Variants in GRID2IP observed in about 807,000 individuals in gnomAD.
GRID2IP encodes Grid2 interacting protein.
In GRID2IP, 78 loss-of-function variants were observed where a neutral mutation model predicts 114.3. That is an observed-to-expected ratio of 0.68 (90% CI 0.57 to 0.82). The LOEUF (loss-of-function observed/expected upper bound fraction) is 0.82. Among genes scored for constraint, GRID2IP ranks in the 40% least tolerant of loss-of-function variants. The pLI is 0.00. For missense variants in GRID2IP, 1,727 were observed against 1,678.5 expected, an observed-to-expected ratio of 1.03 and a Z score of -0.51; for synonymous variants, 809 against 724.0, an observed-to-expected ratio of 1.12 and a Z score of -1.89.
intron 7 of GRID2IP, among the ~76,000 whole-genome samples, chr7:6,515,370 G>A (rs1779274183): frequency 6.6e-6 from 1 of 152,052 alleles, no homozygotes; most frequent in African/African-American, 2.4e-5. Flanking sequence ...GCTGAAGTAG[G>A]AGAATCGCTT....
rs372688657 is a variant in GRID2IP, at chr7:6,539,822, A to G, written c.480T>C (p.Ala160=). 8.1e-4 allele frequency: 1,264 copies of G among 1,551,212 alleles called. 1 individual carries two copies. Among genetic ancestry groups the G allele is most frequent in the Non-Finnish European group, 1.0e-3 (1,176 of 1,146,960 alleles). ...DQPTAKEQVF[A]ALKQFAAEQR... is the part of the protein sequence containing the mutation. ...GCTCAGCTGCAAACTGCTTCAGTGC[A>G]GCGAACACCTGCTCCTTGGCAGTTG... The change falls in exon 2 of 22, where the codon GCT becomes GCC. Residue 160 remains alanine, a synonymous_variant. Transcript: ENST00000457091.
At chr7:6,497,901 C>A in intron 21 of GRID2IP, 56 bp from the exon 22 acceptor site, 1 of 1,463,082 alleles carries the variant, frequency 6.8e-7, no homozygotes, top group Non-Finnish European at 9.3e-7. Context: ...ACCTGTGACG[C>A]CTTCCCTGTC....
intron 15 of GRID2IP, 37 bp from the exon 16 acceptor site, chr7:6,503,724 G>T (rs1786487547): frequency 2.8e-6 from 4 of 1,407,338 alleles, no homozygotes; most frequent in East Asian, 5.6e-5. Context: ...GGGCGGGGCC[G>T]GAGCGGGGCC....
chr7:6,500,770 T>G (rs1190132205), intron 20 of GRID2IP, among the ~76,000 whole-genome samples: 1 of 152,212 alleles, frequency 6.6e-6, no homozygotes, highest in Non-Finnish European at 1.5e-5. Context: ...CCAAGGGGTG[T>G]TGGAGCCAGA....
In GRID2IP at chr7:6,532,855, C is replaced by T. The variant is rs923775457; in HGVS notation, c.585-6086G>A. 6.6e-6 allele frequency among the ~76,000 whole-genome samples: 1 copy of T among 152,198 alleles called. No homozygotes were observed. Among genetic ancestry groups the T allele is most frequent in the East Asian group, 1.9e-4 (1 of 5,196 alleles). ...CCAGGGTCAAATCCAGGCACGCTAC[C>T]TCAGAGCCAGGTCTCCGTGGGCACA... On this transcript the variant is annotated intron_variant, in intron 2 of 21. Coordinates refer to ENST00000457091, the MANE Select transcript of GRID2IP (RefSeq NM_001145118.2). This position sits in a 1 kb window ranked among gnomAD's most constrained non-coding sequence, Gnocchi z 4.4.
chr7:6,537,370 C>CTTTTTT (rs772469574), intron 2 of GRID2IP, among the ~76,000 whole-genome samples: 9 of 58,376 alleles, frequency 1.5e-4, no homozygotes, highest in Admixed American at 2.8e-4. Flanking sequence ...ATGGTGAGAC[C>CTTTTTT]TTTTTTTTTT....
At chr7:6,504,216 T>G (rs1786507232) in intron 15 of GRID2IP, among the ~76,000 whole-genome samples, 1 of 131,634 alleles carries the variant, frequency 7.6e-6, no homozygotes, top group African/African-American at 2.9e-5. Context: ...GGGGCTACTG[T>G]GAGGAGCCTG....
chr7:6,503,505 G>A lies in GRID2IP; in HGVS notation c.2893C>T (p.Gln965Ter), dbSNP rs1276517943. 1.3e-6 allele frequency: 2 copies of A among 1,525,384 alleles called. No homozygotes were observed. The highest frequency in any genetic ancestry group is 1.7e-6 in the Non-Finnish European group (2 of 1,143,056). The allele number at this position is 1,525,384 out of a possible 1,614,324, so 94.5% of individuals were successfully genotyped here. A position where few individuals can be genotyped will look rare whatever the true frequency, so the allele number is the denominator to read the frequency against. The change falls in exon 16 of 22, where the codon CAG (glutamine) becomes TAG (stop). Residue 965 changes from glutamine (Q) to a stop codon, truncating the protein, a stop_gained. Coordinates refer to ENST00000457091, the MANE Select transcript of GRID2IP (RefSeq NM_001145118.2). LOFTEE classifies it high-confidence loss of function. Reference protein sequence around the residue: ...EAPGRLSEPDQFVLQMLSVPE... With the variant: ...EAPGRLSEPD ...GGTCGCGGCACCTGCAGGACGAACTGGTCCGGCTCGCTGAGGCGGCCGGGC... is the reference window on the plus strand; with the variant it reads ...GGTCGCGGCACCTGCAGGACGAACTAGTCCGGCTCGCTGAGGCGGCCGGGC...
chr7:6,504,785 A>T lies in GRID2IP; in HGVS notation c.2710+8T>A, dbSNP rs1283505200. The T allele has an allele frequency of 1.3e-6, 2 of 1,549,544 alleles. No individual in the cohort carries two copies. The highest frequency in any genetic ancestry group is 1.7e-6 in the Non-Finnish European group (2 of 1,145,430). ...CCCTACACCCCCTGGGGTTCCCCGGACCCTCACAGGTGTTGTAGGCCTTCT... is the reference window on the plus strand; with the variant it reads ...CCCTACACCCCCTGGGGTTCCCCGGTCCCTCACAGGTGTTGTAGGCCTTCT... On this transcript the variant is annotated splice_region_variant and intron_variant, in intron 15 of 21. Coordinates refer to ENST00000457091, the MANE Select transcript of GRID2IP (RefSeq NM_001145118.2).
chr7:6,513,888 CG>C (rs761439947), intron 8 of GRID2IP, among the ~76,000 whole-genome samples: 88 of 128,492 alleles, frequency 6.8e-4, no homozygotes, highest in Non-Finnish European at 1.3e-3. Flanking sequence ...GTTGAGGCTG[CG>C]GTGAGCCATG....
intron 8 of GRID2IP, 40 bp downstream of exon 8, chr7:6,514,335 C>G: frequency 6.9e-7 from 1 of 1,454,860 alleles, no homozygotes; most frequent in Non-Finnish European, 9.1e-7. Context: ...GGACAGTCAG[C>G]AGCTGCAGGC....
chr7:6,539,931 T>A, intron 1 of GRID2IP, 59 bp from the exon 2 acceptor site: 1 of 1,458,980 alleles, frequency 6.9e-7, no homozygotes, highest in South Asian at 1.3e-5. Context: ...CCTGGAGAAC[T>A]GCTCTCCTCC....
intron 18 of GRID2IP, among the ~76,000 whole-genome samples, 188 bp downstream of exon 18, chr7:6,502,598 C>G (rs182841899): frequency 2.0e-5 from 3 of 149,810 alleles, no homozygotes; most frequent in African/African-American, 7.4e-5. Flanking sequence ...TCCCCCACCC[C>G]ACCCCACCCC....
intron 1 of GRID2IP, among the ~76,000 whole-genome samples, chr7:6,541,176 C>G (rs1779811229): frequency 1.3e-5 from 2 of 152,136 alleles, no homozygotes; most frequent in African/African-American, 4.8e-5. Flanking sequence ...TGAGCCACCT[C>G]TCTTGGCCAG....
chr7:6,518,942 G>A (rs1009809708), intron 7 of GRID2IP, among the ~76,000 whole-genome samples: 5 of 151,066 alleles, frequency 3.3e-5, no homozygotes, highest in African/African-American at 9.7e-5. Context: ...TTTTTGAGAC[G>A]AAGTCTCATT....
At chr7:6,547,104 G>T (rs978523729) in intron 1 of GRID2IP, among the ~76,000 whole-genome samples, 1 of 152,084 alleles carries the variant, frequency 6.6e-6, no homozygotes. Flanking sequence ...TCTTCCATAG[G>T]GAACCCTGAA....
In GRID2IP at chr7:6,526,325, G is replaced by T; in HGVS notation, c.834-16C>A. The T allele has an allele frequency of 6.5e-7, 1 of 1,550,372 alleles. No individual in the cohort carries two copies. Among genetic ancestry groups the T allele is most frequent in the Non-Finnish European group, 8.7e-7 (1 of 1,145,782 alleles). ...TCGGACAGTCCTGGGGGAAAAAGAA[G>T]GGGCGAGCAGCATGATGGAGAGGGG... On this transcript the variant is annotated splice_polypyrimidine_tract_variant and intron_variant, in intron 3 of 21. Transcript: ENST00000457091. The surrounding 1 kb of genome is among the most constrained non-coding windows in gnomAD (Gnocchi z 7.6).
In GRID2IP at chr7:6,533,038, C is replaced by T. The variant is rs772189707; in HGVS notation, c.585-6269G>A. ...TGCTTAAGTTTCCTCCAGAGCTGTA[C>T]TTCTCAACCAGTCGTGATTTTTGTC... is the stretch of plus-strand genomic sequence containing the variant. On this transcript the variant is annotated intron_variant, in intron 2 of 21. Coordinates refer to ENST00000457091, the MANE Select transcript of GRID2IP (RefSeq NM_001145118.2). Among the ~76,000 whole-genome samples, 18 of 152,214 alleles carry T rather than the reference C, an allele frequency of 1.2e-4. 1 individual carries two copies. The highest frequency in any genetic ancestry group is 8.3e-4 in the South Asian group (4 of 4,830).
intron 1 of GRID2IP, among the ~76,000 whole-genome samples, chr7:6,540,729 C>T (rs1779804521): frequency 1.7e-5 from 2 of 118,202 alleles, no homozygotes; most frequent in South Asian, 2.5e-4. Flanking sequence ...TGGGGTTTTA[C>T]CATGTTGGCC....
Sources: gnomAD v4.1 joint callset for allele counts (sites outside exome capture counted in the v4.1 genomes callset) on GRCh38, gnomAD v4.1.1 for gene constraint, Gnocchi (gnomAD v3.1) non-coding constraint, MANE v1.5 for transcripts, NCBI Gene and HGNC (gene_info 2026-07-23, HGNC 2026-07-21) for gene names.